TRIP12: variants seen among roughly 807,000 people sequenced by gnomAD.
The protein encoded by TRIP12 is E3 ubiquitin-protein ligase TRIP12.
A neutral mutation model predicts 244.2 loss-of-function variants in TRIP12; 25 were observed. That is an observed-to-expected ratio of 0.10 (90% CI 0.07 to 0.14). The LOEUF (loss-of-function observed/expected upper bound fraction) is 0.14. Among genes scored for constraint, TRIP12 ranks in the 10% least tolerant of loss-of-function variants. The probability of loss-of-function intolerance (pLI) is 1.00; values close to 1 mark genes in which losing one functional copy is unlikely to be tolerated. For missense variants in TRIP12, 1,677 were observed against 2,486.4 expected (o/e 0.67, Z 6.92); for synonymous variants, 905 against 873.1 (o/e 1.04, Z -0.64).
Position 229,836,862 on chromosome 2 carries a change from G to A in TRIP12, c.1256C>T (p.Pro419Leu), listed in dbSNP as rs1032667425. 1 of 1,592,002 alleles carries A rather than the reference G, an allele frequency of 6.3e-7. No homozygotes were observed. Among genetic ancestry groups the A allele is most frequent in the African/African-American group, 1.4e-5 (1 of 73,088 alleles). ...NSSAARTDEA[P>L]QGAAASSSVA... ...TACCAATCTACCTGCAGCTCCTTGGGGAGCTTCATCTGTCCGAGCAGCTGA... is the reference window on the plus strand; with the variant it reads ...TACCAATCTACCTGCAGCTCCTTGGAGAGCTTCATCTGTCCGAGCAGCTGA... The change falls in exon 6 of 42, where the codon CCC becomes CTC. Residue 419 changes from proline to leucine, a missense_variant. Physicochemically the swap from Pro to Leu is moderately conservative, Grantham distance 98. Transcript: ENST00000675903.
chr2:229,900,134 A>G (rs533030141), intron 1 of TRIP12, among the ~76,000 whole-genome samples: 1 of 152,362 alleles, frequency 6.6e-6, no homozygotes, highest in East Asian at 1.9e-4. Flanking sequence ...AGACTGTTAT[A>G]CAAAGGAAGC....
rs866971320 is a variant in TRIP12, at chr2:229,764,148, G to T, written c.*3406C>A. 1.3e-5 allele frequency: 2 copies of T among 151,990 alleles called. No homozygotes were observed. Among genetic ancestry groups the T allele is most frequent in the African/African-American group, 4.8e-5 (2 of 41,412 alleles). The allele number at this position is 151,990 out of a possible 1,614,324, so 9.4% of individuals were successfully genotyped here. ...AAGAATTGTTAACTTGAAGTTCTTGGAAAACAGCCAATCCTGTTTTCTATA... is the reference window on the plus strand; with the variant it reads ...AAGAATTGTTAACTTGAAGTTCTTGTAAAACAGCCAATCCTGTTTTCTATA... On this transcript the variant is annotated 3_prime_UTR_variant, in exon 42 of 42. Coordinates refer to ENST00000675903, the MANE Select transcript of TRIP12 (RefSeq NM_001348323.3).
At chr2:229,768,856 T>TATC in intron 40 of TRIP12, 137 bp from the exon 41 acceptor site, 3 of 803,966 alleles carry the variant, frequency 3.7e-6, no homozygotes, top group Non-Finnish European at 5.7e-6. Context: ...ACAATGTACT[T>TATC]AAATTCGTTT....
At chr2:229,815,338 CT>C (rs1388443446) in intron 9 of TRIP12, 30 bp from the exon 10 acceptor site, 8 of 1,309,158 alleles carry the variant, frequency 6.1e-6, no homozygotes, top group Non-Finnish European at 8.5e-6. Flanking sequence ...ATATTAGAAG[CT>C]ATATTCCTTG....
intron 8 of TRIP12, among the ~76,000 whole-genome samples, chr2:229,822,155 A>C (rs547942657): frequency 6.6e-6 from 1 of 152,170 alleles, no homozygotes; most frequent in South Asian, 2.1e-4. Flanking sequence ...CAAACAAACA[A>C]ACAAACAAAA....
intron 1 of TRIP12, among the ~76,000 whole-genome samples, chr2:229,903,691 C>A (rs868484719): frequency 6.6e-6 from 1 of 151,936 alleles, no homozygotes; most frequent in African/African-American, 2.4e-5. Flanking sequence ...CAAGGTAATA[C>A]AAAAGATAAG....
At chr2:229,897,886 C>T (rs2069347928) in intron 1 of TRIP12, among the ~76,000 whole-genome samples, 2 of 152,180 alleles carry the variant, frequency 1.3e-5, no homozygotes, top group Non-Finnish European at 2.9e-5. Flanking sequence ...TAACACCCTT[C>T]CAGATAGTCA....
chr2:229,884,339 C>T (rs538862087), intron 1 of TRIP12, among the ~76,000 whole-genome samples: 21 of 148,268 alleles, frequency 1.4e-4, no homozygotes, highest in Middle Eastern at 3.5e-3. Flanking sequence ...TGGGCTCAAG[C>T]GATTCTCCTG....
At position 229,917,424 on chromosome 2, in the gene TRIP12, C is replaced by G. The variant is rs550596233; in HGVS notation, c.-50+4456G>C. Among the ~76,000 whole-genome samples the G allele has an allele frequency of 3.0e-5, 3 of 99,862 alleles. No individual in the cohort carries two copies. In the East Asian group the frequency reaches 9.7e-4, roughly 32 times the overall value. 65.5% of individuals were successfully genotyped at this position (99,862 alleles called of 152,430 possible). A position where few individuals can be genotyped will look rare whatever the true frequency, so the allele number is the denominator to read the frequency against. ...AAAAAAAAAAAAAAAAAAAAATTAC[C>G]AAGCACTAAGATTATATACAACAAT... On this transcript the variant is annotated intron_variant, in intron 1 of 41. Transcript: ENST00000675903.
intron 1 of TRIP12, among the ~76,000 whole-genome samples, chr2:229,908,717 A>G (rs1262599306): frequency 1.3e-5 from 2 of 149,682 alleles, no homozygotes; most frequent in Non-Finnish European, 3.0e-5. Flanking sequence ...TGGGTGACAG[A>G]GGGAGACTCC....
chr2:229,922,610 G>T (rs1168540042), upstream of TRIP12: 1 of 1,613,812 alleles, frequency 6.2e-7, no homozygotes, highest in Admixed American at 1.7e-5. Context: ...CCGGTCTCAG[G>T]CAAGTGCGAG....
At chr2:229,879,874 A>G in intron 2 of TRIP12, 108 bp downstream of exon 2, 1 of 1,236,480 alleles carries the variant, frequency 8.1e-7, no homozygotes, top group South Asian at 1.3e-5. Context: ...AATCAGGAAA[A>G]ATTACCCATA....
At chr2:229,807,559 G>C (rs2046180010) in intron 17 of TRIP12, 149 bp downstream of exon 17, 1 of 977,638 alleles carries the variant, frequency 1.0e-6, no homozygotes, top group East Asian at 2.4e-5. Context: ...ACAGAAATGA[G>C]GACCTTGTTC....
intron 8 of TRIP12, among the ~76,000 whole-genome samples, chr2:229,819,095 C>A (rs1280752291): frequency 6.9e-6 from 1 of 145,876 alleles, no homozygotes; most frequent in Admixed American, 6.8e-5. Context: ...CAATTATAAA[C>A]CCTTGCATCC....
chr2:229,870,852 G>T (rs2062436091), intron 2 of TRIP12, among the ~76,000 whole-genome samples: 1 of 152,080 alleles, frequency 6.6e-6, no homozygotes. Context: ...AGTCCTTCTT[G>T]AGTGTGGCTT....
Position 229,830,838 on chromosome 2 carries a change from G to C in TRIP12, c.1272C>G (p.Ala424=). Residue 424 remains alanine, a splice_region_variant and synonymous_variant, in exon 7 of 42, where the codon GCC becomes GCG. Coordinates refer to ENST00000675903, the MANE Select transcript of TRIP12 (RefSeq NM_001348323.3). ...RTDEAPQGAA[A]SSSVAGAVGM... is the part of the protein sequence containing the mutation. ...CAACAGCCCCTGCAACAGAACTAGA[G>C]GCTTGGGGTGGAGGGGAAAGATGAG... 6.2e-7 allele frequency: 1 copy of C among 1,614,056 alleles called. No individual in the cohort carries two copies. Among genetic ancestry groups the C allele is most frequent in the Non-Finnish European group, 8.5e-7 (1 of 1,179,988 alleles).
intron 18 of TRIP12, among the ~76,000 whole-genome samples, chr2:229,804,465 G>C (rs947807147): frequency 6.6e-6 from 1 of 152,150 alleles, no homozygotes; most frequent in African/African-American, 2.4e-5. Context: ...GGGGCCAGCT[G>C]AAAGTAACAA....
At chr2:229,821,343 GTC>G (rs1421278219) in intron 8 of TRIP12, among the ~76,000 whole-genome samples, 1 of 152,142 alleles carries the variant, frequency 6.6e-6, no homozygotes. Flanking sequence ...TCATTTAAGG[GTC>G]TCTCTCAGAA....
intron 31 of TRIP12, 147 bp from the exon 32 acceptor site, chr2:229,789,087 T>C (rs1032605207): frequency 2.7e-5 from 20 of 734,150 alleles, no homozygotes; most frequent in Middle Eastern, 4.0e-4. Context: ...CTCTCATTAC[T>C]GTGTCCCAAC....
Sources: gnomAD v4.1 joint callset for allele counts (sites outside exome capture counted in the v4.1 genomes callset) on GRCh38, gnomAD v4.1.1 for gene constraint, MANE v1.5 for transcripts, NCBI Gene and HGNC (gene_info 2026-07-23, HGNC 2026-07-21) for gene names.